HPSE2: variants seen among roughly 807,000 people sequenced by gnomAD.
HPSE2 encodes heparanase 2 (inactive).
HPSE2 carries 38 observed loss-of-function variants against 60.5 expected under a neutral mutation model. That is an observed-to-expected ratio of 0.63 (90% CI 0.48 to 0.82). The LOEUF (loss-of-function observed/expected upper bound fraction) is 0.82. Ranked by LOEUF, HPSE2 falls within the 40% of genes least tolerant of loss-of-function variation. HPSE2 has a pLI of 0.00. For missense variants in HPSE2, 713 were observed against 740.4 expected (o/e 0.96, Z 0.43); for synonymous variants, 295 against 293.2 (o/e 1.01, Z -0.06).
intron 3 of HPSE2, among the ~76,000 whole-genome samples, chr10:98,866,971 T>C (rs1394749460): frequency 2.0e-5 from 3 of 152,158 alleles, no homozygotes; most frequent in Non-Finnish European, 4.4e-5. Flanking sequence ...TAACTACAGA[T>C]AGTCCCCGAC....
chr10:99,023,469 C>A (rs1473833910), intron 3 of HPSE2, among the ~76,000 whole-genome samples: 1 of 152,122 alleles, frequency 6.6e-6, no homozygotes, highest in Non-Finnish European at 1.5e-5. Flanking sequence ...TTGCCACTTG[C>A]TGATTGTAGA....
At chr10:98,874,813 A>G (rs1467619863) in intron 3 of HPSE2, among the ~76,000 whole-genome samples, 4 of 152,016 alleles carry the variant, frequency 2.6e-5, no homozygotes, top group African/African-American at 7.2e-5. Context: ...AGAGTTTTTA[A>G]CATGAAGGGA....
intron 3 of HPSE2, among the ~76,000 whole-genome samples, chr10:99,068,374 C>T (rs1205916416): frequency 6.6e-6 from 1 of 152,194 alleles, no homozygotes; most frequent in African/African-American, 2.4e-5. Context: ...CACAGTTCCA[C>T]GTGGCTGGGG....
intron 7 of HPSE2, among the ~76,000 whole-genome samples, chr10:98,630,343 G>A (rs1335835234): frequency 1.3e-5 from 2 of 151,824 alleles, no homozygotes; most frequent in Admixed American, 1.3e-4. Flanking sequence ...GACTACAGGC[G>A]CCCGCCACCA....
intron 2 of HPSE2, among the ~76,000 whole-genome samples, chr10:99,161,192 G>A (rs1256959594): frequency 6.7e-6 from 1 of 149,986 alleles, no homozygotes; most frequent in Non-Finnish European, 1.5e-5. Flanking sequence ...CTGCACTCCC[G>A]CCTCGGTAAC....
intron 2 of HPSE2, among the ~76,000 whole-genome samples, chr10:99,165,990 T>C (rs892708944): frequency 2.6e-5 from 3 of 117,100 alleles, no homozygotes; most frequent in Non-Finnish European, 6.3e-5. Context: ...CACTTTGTTG[T>C]TTTTTGGTTT....
the HPSE2 span, among the ~76,000 whole-genome samples, chr10:99,300,090 A>G: frequency 1.3e-5 from 2 of 151,450 alleles, no homozygotes; most frequent in Middle Eastern, 3.2e-3. Context: ...TGGGCCCCCT[A>G]CTGCCTCAGG....
intron 2 of HPSE2, among the ~76,000 whole-genome samples, chr10:99,155,769 G>A (rs1193475017): frequency 2.0e-5 from 3 of 148,506 alleles, no homozygotes; most frequent in East Asian, 4.2e-4. Context: ...AGAACTGAAG[G>A]AAATAGAGAC....
the HPSE2 span, among the ~76,000 whole-genome samples, chr10:99,314,056 C>T: frequency 6.6e-6 from 1 of 152,168 alleles, no homozygotes; most frequent in Non-Finnish European, 1.5e-5. Context: ...GCAGCCACCA[C>T]CCCGTCAGTC....
At chr10:99,251,635 C>A in the HPSE2 span, among the ~76,000 whole-genome samples, 5 of 49,336 alleles carry the variant, frequency 1.0e-4, no homozygotes. Flanking sequence ...TAAGCTAATT[C>A]ACCATGATCA....
intron 11 of HPSE2, among the ~76,000 whole-genome samples, chr10:98,475,376 C>T (rs1187896146): frequency 6.6e-6 from 1 of 152,182 alleles, no homozygotes; most frequent in Non-Finnish European, 1.5e-5. Context: ...GCCTCGGCCT[C>T]CCAAAATGCT....
At chr10:99,264,536 T>A in the HPSE2 span, among the ~76,000 whole-genome samples, 1 of 152,182 alleles carries the variant, frequency 6.6e-6, no homozygotes, top group South Asian at 2.1e-4. Context: ...TTTACCTAAA[T>A]GAATCTGGCC....
intron 3 of HPSE2, among the ~76,000 whole-genome samples, chr10:99,133,380 G>C (rs958526344): frequency 6.6e-6 from 1 of 152,174 alleles, no homozygotes; most frequent in Non-Finnish European, 1.5e-5. Context: ...CACAGCATTC[G>C]AGCTCTGCTA....
At chr10:98,550,676 G>C (rs1943836425) in intron 9 of HPSE2, among the ~76,000 whole-genome samples, 2 of 152,130 alleles carry the variant, frequency 1.3e-5, no homozygotes, top group South Asian at 4.2e-4. Context: ...AGGTTTCACT[G>C]TGTTAGTCAG....
At chr10:99,263,450 G>A in the HPSE2 span, among the ~76,000 whole-genome samples, 2 of 152,118 alleles carry the variant, frequency 1.3e-5, no homozygotes, top group Non-Finnish European at 2.9e-5. Context: ...GCTACGCAAG[G>A]GTCCTCCATC....
intron 2 of HPSE2, among the ~76,000 whole-genome samples, chr10:99,227,336 C>A (rs1309184915): frequency 1.3e-5 from 2 of 151,926 alleles, no homozygotes; most frequent in African/African-American, 2.4e-5. Context: ...ATTGAAAAAT[C>A]AGGAATAGAA....
intron 3 of HPSE2, among the ~76,000 whole-genome samples, chr10:98,746,197 G>GAGATACATTTAATTATTATTTTTAGTTCC (rs1949624245): frequency 6.8e-6 from 1 of 146,542 alleles, no homozygotes; most frequent in Non-Finnish European, 1.5e-5. Context: ...TCACATTCAG[G>GAGATACATTTAATTATTATTTTTAGTTCC]AAATACATTT....
At chr10:98,875,580 G>A (rs1351736754) in intron 3 of HPSE2, among the ~76,000 whole-genome samples, 1 of 151,798 alleles carries the variant, frequency 6.6e-6, no homozygotes, top group African/African-American at 2.4e-5. Context: ...TGGATTCACA[G>A]CTGAATTCTA....
intron 9 of HPSE2, among the ~76,000 whole-genome samples, chr10:98,545,831 G>A (rs936307936): frequency 1.9e-4 from 28 of 148,350 alleles, no homozygotes; most frequent in African/African-American, 6.7e-4. Flanking sequence ...GGAAATAAAG[G>A]GTATTCAATT....
Sources: allele counts gnomAD v4.1 joint callset (sites outside exome capture counted in the v4.1 genomes callset), GRCh38; gene constraint gnomAD v4.1.1; transcripts MANE v1.5; gene names NCBI Gene and HGNC (gene_info 2026-07-23, HGNC 2026-07-21).